Variants in PEX1 observed in about 807,000 individuals in gnomAD.
PEX1 encodes the protein peroxisomal biogenesis factor 1.
PEX1 carries 97 observed loss-of-function variants against 152.5 expected under a neutral mutation model. The observed-to-expected ratio is 0.64, with a 90% CI of 0.54 to 0.75. PEX1 has a LOEUF of 0.75. Ranked by LOEUF, PEX1 falls within the 30% of genes least tolerant of loss-of-function variation. The pLI is 0.00. For synonymous variants in PEX1, 485 were observed against 531.6 expected, an observed-to-expected ratio of 0.91 and a Z score of 1.21; for missense variants, 1,357 against 1,516.3, an observed-to-expected ratio of 0.89 and a Z score of 1.74.
chr7:92,512,253 C>T (rs928708537), intron 6 of PEX1, among the ~76,000 whole-genome samples: 5 of 152,102 alleles, frequency 3.3e-5, no homozygotes, highest in African/African-American at 4.8e-5. Context: ...AACTCCTGGC[C>T]TCAGGTGATC....
rs774522579 is a variant in PEX1 at position 92,517,456 on chromosome 7, T to C, written c.1059A>G (p.Leu353=). 6.8e-6 allele frequency: 11 copies of C among 1,614,024 alleles called. No homozygotes were observed. In the East Asian group the frequency reaches 1.1e-4, roughly 16 times the overall value. The change falls in exon 5 of 24, where the codon TTA becomes TTG. Residue 353 remains leucine (L), a synonymous_variant. Transcript: ENST00000248633. ...QQQSKTKQNV[L]SPEKEKQMSE... is the part of the protein sequence containing the mutation. Reference sequence around the variant, plus strand: ...ACATCTGCTTCTCTTTTTCAGGTGATAACACATTTTGTTTTGTTTTACTTT... The same window carrying C: ...ACATCTGCTTCTCTTTTTCAGGTGACAACACATTTTGTTTTGTTTTACTTT...
At chr7:92,499,653 A>G in intron 16 of PEX1, 51 bp downstream of exon 16, 1 of 1,474,480 alleles carries the variant, frequency 6.8e-7, no homozygotes. Context: ...GGCTAACTGC[A>G]TTTATGTTAA....
rs370536529 is a variant in PEX1 at position 92,499,701 on chromosome 7, T to C, written c.2718+3A>G. ...AAAAAAAGAAGATAAGTAGACAACA[T>C]ACCTTGACACTTATAAAATTCATTC... is the stretch of plus-strand genomic sequence containing the variant. On this transcript the variant is annotated splice_donor_region_variant and intron_variant, in intron 16 of 23. Transcript: ENST00000248633. The C allele has an allele frequency of 1.4e-3, 2,252 of 1,609,676 alleles. 39 individuals carry two copies. In the South Asian group the frequency reaches 0.016, roughly 11 times the overall value.
rs537921499 is a variant in PEX1 at position 92,491,249 on chromosome 7, A to G, written c.3438+23T>C. ...ATATAGCTTTATATTTCAGAACTGT[A>G]TAATGATGACTGCACAAGATACCAA... On this transcript the variant is annotated intron_variant, in intron 21 of 23. Transcript: ENST00000248633. 31 of 1,436,282 alleles carry G rather than the reference A, an allele frequency of 2.2e-5. No homozygotes were observed. The South Asian group carries it at 3.3e-4, about 15-fold the overall frequency. The allele number at this position is 1,436,282 out of a possible 1,614,324, so 89.0% of individuals were successfully genotyped here.
intron 9 of PEX1, chr7:92,507,696 G>A (rs1792269492): frequency 6.9e-6 from 1 of 144,982 alleles, no homozygotes; most frequent in Non-Finnish European, 1.5e-5. Context: ...AGGCTGGAGT[G>A]CAGTGGCATG....
chr7:92,518,033 A>G lies in PEX1; in HGVS notation c.482T>C (p.Ile161Thr). Reference protein sequence around the residue: ...TYIFIQIVALIPAASYGRLET... With the variant: ...TYIFIQIVALTPAASYGRLET... ...CAGCCTTCCATAAGAGGCAGCTGGT[A>G]TTAGTGCAACTGTGTAGAAAATAAA... is the stretch of plus-strand genomic sequence containing the variant. Residue 161 changes from isoleucine (I) to threonine (T), a missense_variant, in exon 5 of 24, where the codon ATA becomes ACA. Coordinates refer to ENST00000248633, the MANE Select transcript of PEX1 (RefSeq NM_000466.3). 6.2e-7 allele frequency: 1 copy of G among 1,614,186 alleles called. No individual in the cohort carries two copies. Among genetic ancestry groups the G allele is most frequent in the Non-Finnish European group, 8.5e-7 (1 of 1,180,022 alleles).
At chr7:92,509,101 C>A (rs1160775100) in intron 9 of PEX1, among the ~76,000 whole-genome samples, 1 of 150,856 alleles carries the variant, frequency 6.6e-6, no homozygotes, top group Non-Finnish European at 1.5e-5. Flanking sequence ...TTATCCCCTA[C>A]CACCAGGGAT....
At chr7:92,521,093 G>A (rs1585259527) in intron 2 of PEX1, among the ~76,000 whole-genome samples, 1 of 152,092 alleles carries the variant, frequency 6.6e-6, no homozygotes, top group Non-Finnish European at 1.5e-5. Context: ...CTGAGTAGCT[G>A]GGACTACAAG....
chr7:92,496,602 A>G (rs924245574), intron 17 of PEX1, 111 bp downstream of exon 17: 5 of 784,008 alleles, frequency 6.4e-6, no homozygotes, highest in African/African-American at 5.1e-5. Flanking sequence ...AATAATTCAC[A>G]TAAACCACAG....
Position 92,507,053 on chromosome 7 carries a change from G to C in PEX1, c.1744C>G (p.Gln582Glu). Residue 582 changes from glutamine to glutamate, a missense_variant, in exon 10 of 24, where the codon CAG becomes GAG. Coordinates refer to ENST00000248633, the MANE Select transcript of PEX1 (RefSeq NM_000466.3). ...HSLLGRPLSRQLMSLVAGLRN... is the reference protein window; with the variant it reads ...HSLLGRPLSRELMSLVAGLRN... ...AGTCCTGCAACAAGAGACATCAGCT[G>C]CCGAGACAAAGGGCGTCCCAGGAGG... The C allele has an allele frequency of 3.7e-6, 6 of 1,614,038 alleles. No individual in the cohort carries two copies. Among genetic ancestry groups the C allele is most frequent in the Non-Finnish European group, 5.1e-6 (6 of 1,179,940 alleles).
At chr7:92,509,542 T>C (rs1792357538) in intron 8 of PEX1, 131 bp from the exon 9 acceptor site, 2 of 678,208 alleles carry the variant, frequency 2.9e-6, no homozygotes. Context: ...AAGATCATTA[T>C]TTAAACACCC....
chr7:92,501,873 T>G lies in PEX1; in HGVS notation c.2416+17A>C. 6.2e-7 allele frequency: 1 copy of G among 1,603,728 alleles called. No individual in the cohort carries two copies. Among genetic ancestry groups the G allele is most frequent in the Non-Finnish European group, 8.5e-7 (1 of 1,170,754 alleles). ...AGAAAGAAGATTCCAAGTTCAGGTT[T>G]TAATAGTAAAACATACTTTCTCTGG... On this transcript the variant is annotated intron_variant, in intron 14 of 23. Coordinates refer to ENST00000248633, the MANE Select transcript of PEX1 (RefSeq NM_000466.3).
At chr7:92,502,923 C>T in intron 13 of PEX1, 118 bp downstream of exon 13, 1 of 864,846 alleles carries the variant, frequency 1.2e-6, no homozygotes, top group South Asian at 1.5e-5. Context: ...TGTTGACTTA[C>T]ATATCCTTAA....
intron 6 of PEX1, 57 bp from the exon 7 acceptor site, chr7:92,511,760 C>A: frequency 2.0e-6 from 3 of 1,506,722 alleles, no homozygotes; most frequent in South Asian, 2.3e-5. Context: ...AACTTTAACA[C>A]CCTTATTTTA....
intron 6 of PEX1, 95 bp from the exon 7 acceptor site, chr7:92,511,798 G>T: frequency 8.5e-7 from 1 of 1,173,530 alleles, no homozygotes; most frequent in Non-Finnish European, 1.2e-6. Context: ...TAAAGTGTAA[G>T]CCTGACCAAA....
At chr7:92,513,815 G>T (rs1234418880) in intron 6 of PEX1, 33 bp downstream of exon 6, 4 of 1,514,224 alleles carry the variant, frequency 2.6e-6, no homozygotes, top group Non-Finnish European at 9.1e-7. Flanking sequence ...ACGTGTAAAA[G>T]AATTTTGATG....
intron 12 of PEX1, among the ~76,000 whole-genome samples, chr7:92,504,212 T>G (rs999410346): frequency 6.6e-6 from 1 of 151,972 alleles, no homozygotes; most frequent in African/African-American, 2.4e-5. Context: ...TGCTGTCATC[T>G]CCTTGTTGGT....
At chr7:92,510,908 T>C (rs1792430097) in intron 8 of PEX1, 36 bp downstream of exon 8, 2 of 1,066,310 alleles carry the variant, frequency 1.9e-6, no homozygotes, top group East Asian at 2.4e-5. Context: ...ATGTAACAAA[T>C]AGTATTTTAT....
chr7:92,503,945 T>G (rs1171187553), intron 12 of PEX1, among the ~76,000 whole-genome samples: 2 of 152,154 alleles, frequency 1.3e-5, no homozygotes, highest in Non-Finnish European at 2.9e-5. Context: ...CTCCTTGCAC[T>G]CTAAGCTCCA....
Sources: allele counts gnomAD v4.1 joint callset (sites outside exome capture counted in the v4.1 genomes callset), GRCh38; gene constraint gnomAD v4.1.1; transcripts MANE v1.5; gene names NCBI Gene and HGNC (gene_info 2026-07-23, HGNC 2026-07-21).